Variants in CFAP20DC observed in about 807,000 individuals in gnomAD.
CFAP20DC encodes CFAP20 domain containing.
A neutral mutation model predicts 101.7 loss-of-function variants in CFAP20DC; 84 were observed. The ratio of observed to expected loss-of-function variants is 0.83; its 90% confidence interval spans 0.69 to 0.99. The LOEUF (loss-of-function observed/expected upper bound fraction) is 0.99. Among genes scored for constraint, CFAP20DC ranks in the 50% least tolerant of loss-of-function variants. The pLI, the probability that CFAP20DC is intolerant of heterozygous loss-of-function variation, is 0.00. For missense variants in CFAP20DC, 1,007 were observed against 970.3 expected, an observed-to-expected ratio of 1.04 and a Z score of -0.50; for synonymous variants, 359 against 351.2, an observed-to-expected ratio of 1.02 and a Z score of -0.25.
intron 6 of CFAP20DC, among the ~76,000 whole-genome samples, chr3:58,888,978 A>G (rs1450236854): frequency 6.7e-6 from 1 of 149,542 alleles, no homozygotes; most frequent in Non-Finnish European, 1.5e-5. Flanking sequence ...CAACCTCACC[A>G]GCATCTATTG....
chr3:58,937,325 C>G (rs1305287675), intron 5 of CFAP20DC, among the ~76,000 whole-genome samples: 1 of 152,156 alleles, frequency 6.6e-6, no homozygotes, highest in Non-Finnish European at 1.5e-5. Context: ...TCTCCCAAGT[C>G]CACTCTAAGT....
In CFAP20DC at chr3:58,717,458, T is replaced by C. The variant is rs1336125888; in HGVS notation, c.*130A>G. 7.0e-6 allele frequency: 2 copies of C among 286,436 alleles called. No individual in the cohort carries two copies. Among genetic ancestry groups the C allele is most frequent in the Admixed American group, 9.2e-5 (2 of 21,856 alleles). The allele number at this position is 286,436 out of a possible 1,614,324, so 17.7% of individuals were successfully genotyped here. Reference sequence around the variant, plus strand: ...TGCTTTGGGATCTGTAGACAAAAGATGCTTATTCTTCTCATGTGAAATGTG... The same window carrying C: ...TGCTTTGGGATCTGTAGACAAAAGACGCTTATTCTTCTCATGTGAAATGTG... On this transcript the variant is annotated 3_prime_UTR_variant, in exon 4 of 4. Transcript: ENST00000486145. The surrounding 1 kb of genome is among the most constrained non-coding windows in gnomAD (Gnocchi z 4.1).
At chr3:58,939,699 C>T (rs976861651) in intron 4 of CFAP20DC, among the ~76,000 whole-genome samples, 7 of 150,938 alleles carry the variant, frequency 4.6e-5, no homozygotes, top group Non-Finnish European at 1.0e-4. Context: ...ACCTCGTGAT[C>T]CGCCTGCCTC....
intron 13 of CFAP20DC, among the ~76,000 whole-genome samples, chr3:58,842,541 G>A (rs1439295593): frequency 2.0e-5 from 3 of 152,096 alleles, no homozygotes; most frequent in Non-Finnish European, 2.9e-5. Context: ...CTGATTGCTA[G>A]CACAGCAGTC....
intron 14 of CFAP20DC, among the ~76,000 whole-genome samples, chr3:58,810,530 A>G (rs1425971532): frequency 1.3e-5 from 2 of 152,060 alleles, no homozygotes; most frequent in African/African-American, 2.4e-5. Flanking sequence ...CTCTCAATAA[A>G]TTAGGTATTG....
At chr3:58,741,297 T>G (rs10510795), downstream of CFAP20DC, among the ~76,000 whole-genome samples, 3,952 of 152,164 alleles carry the variant, frequency 0.026, 172 homozygotes, top group African/African-American at 0.088. Context: ...AGCACATGAC[T>G]TTTTCCTTGT....
rs142279391 is a variant in CFAP20DC, at chr3:59,040,651, C to A, written c.206-1022G>T. On this transcript the variant is annotated intron_variant, in intron 3 of 16. Coordinates refer to ENST00000482387, the MANE Select transcript of CFAP20DC (RefSeq NM_001394063.1). ...TATTTTATATTATTCCAACTTAGTA[C>A]GCTTAACAAATTAAGGGATTTTAAA... 3.3e-3 allele frequency among the ~76,000 whole-genome samples: 502 copies of A among 151,968 alleles called. 1 individual carries two copies. Among genetic ancestry groups the A allele is most frequent in the Non-Finnish European group, 5.6e-3 (382 of 67,930 alleles).
intron 3 of CFAP20DC, among the ~76,000 whole-genome samples, chr3:58,723,857 T>A (rs2067507943): frequency 6.6e-6 from 1 of 152,186 alleles, no homozygotes; most frequent in South Asian, 2.1e-4. Context: ...GTGAGTGGCA[T>A]AGGGTTTAAT....
intron 7 of CFAP20DC, among the ~76,000 whole-genome samples, chr3:58,877,832 A>G (rs895197913): frequency 1.1e-4 from 16 of 152,234 alleles, no homozygotes; most frequent in Admixed American, 1.0e-3. Context: ...AAACTGCACG[A>G]ATATGATAAT....
At chr3:58,921,243 C>T (rs2085335501) in intron 5 of CFAP20DC, among the ~76,000 whole-genome samples, 1 of 151,844 alleles carries the variant, frequency 6.6e-6, no homozygotes. Flanking sequence ...TTTTTTATTT[C>T]ATTGAATTAT....
chr3:58,928,268 T>G (rs1035248879), intron 5 of CFAP20DC, among the ~76,000 whole-genome samples: 2 of 152,164 alleles, frequency 1.3e-5, no homozygotes, highest in Non-Finnish European at 2.9e-5. Context: ...TTATGAGGGT[T>G]ATGAAATTGT....
intron 4 of CFAP20DC, chr3:58,970,479 C>T (rs2091888144): frequency 6.6e-6 from 1 of 152,152 alleles, no homozygotes; most frequent in South Asian, 2.1e-4. Flanking sequence ...GAGACTAGGA[C>T]AGAGGGATGG....
chr3:58,899,910 A>C lies in CFAP20DC; in HGVS notation c.550+13798T>G, dbSNP rs1445048588. Among the ~76,000 whole-genome samples the C allele has an allele frequency of 6.6e-6, 1 of 152,126 alleles. No homozygotes were observed. Among genetic ancestry groups the C allele is most frequent in the African/African-American group, 2.4e-5 (1 of 41,422 alleles). On this transcript the variant is annotated intron_variant, in intron 6 of 16. Coordinates refer to ENST00000482387, the MANE Select transcript of CFAP20DC (RefSeq NM_001394063.1). The surrounding 1 kb of genome is among the most constrained non-coding windows in gnomAD (Gnocchi z 5.0). Reference sequence around the variant, plus strand: ...AGTGCTGCAGACCACAGCTGCTTTTAATCAGCCATCCTGGCCCTCTCTCCC... The same window carrying C: ...AGTGCTGCAGACCACAGCTGCTTTTCATCAGCCATCCTGGCCCTCTCTCCC...
intron 13 of CFAP20DC, among the ~76,000 whole-genome samples, chr3:58,841,449 G>C (rs6763536): frequency 0.11 from 16,442 of 152,100 alleles, 1,542 homozygotes; most frequent in East Asian, 0.35. Context: ...TTTTCTCTAA[G>C]TTTATGGAGC....
intron 15 of CFAP20DC, among the ~76,000 whole-genome samples, 192 bp downstream of exon 15, chr3:58,806,203 T>C (rs1339655051): frequency 6.6e-6 from 1 of 152,214 alleles, no homozygotes; most frequent in Non-Finnish European, 1.5e-5. Context: ...AAAAGGTAGA[T>C]ATTTAAACCT....
At chr3:58,816,566 T>C (rs2075169829) in intron 14 of CFAP20DC, among the ~76,000 whole-genome samples, 1 of 152,122 alleles carries the variant, frequency 6.6e-6, no homozygotes, top group Non-Finnish European at 1.5e-5. Context: ...CCCACCCGAA[T>C]ATTGCACTTT....
chr3:58,927,064 C>A (rs575642191), intron 5 of CFAP20DC, among the ~76,000 whole-genome samples: 2 of 152,056 alleles, frequency 1.3e-5, no homozygotes, highest in Non-Finnish European at 2.9e-5. Flanking sequence ...TCTATTTAAT[C>A]GGATAGTTTT....
chr3:58,814,545 T>C (rs974784617), intron 14 of CFAP20DC, among the ~76,000 whole-genome samples: 2 of 151,100 alleles, frequency 1.3e-5, no homozygotes, highest in Admixed American at 6.6e-5. Context: ...GGTATTCAAT[T>C]AGGAAAAGAG....
At chr3:58,723,892 G>A (rs1199174509) in intron 3 of CFAP20DC, among the ~76,000 whole-genome samples, 1 of 152,214 alleles carries the variant, frequency 6.6e-6, no homozygotes, top group Non-Finnish European at 1.5e-5. Context: ...TATGGGAAAG[G>A]ACAACCATGG....
Sources: allele counts gnomAD v4.1 joint callset (sites outside exome capture counted in the v4.1 genomes callset), GRCh38; gene constraint gnomAD v4.1.1; non-coding constraint Gnocchi (gnomAD v3.1); transcripts MANE v1.5; gene names NCBI Gene and HGNC (gene_info 2026-07-23, HGNC 2026-07-21).